TRERF1: variants seen among roughly 807,000 people sequenced by gnomAD.
TRERF1 encodes the protein transcriptional regulating factor 1.
A neutral mutation model predicts 122.9 loss-of-function variants in TRERF1; 27 were observed. The observed-to-expected ratio is 0.22, with a 90% CI of 0.16 to 0.30. The LOEUF (loss-of-function observed/expected upper bound fraction) is 0.30, where lower values mean the gene tolerates loss of function less well. Ranked by LOEUF, TRERF1 falls within the 10% of genes least tolerant of loss-of-function variation. The probability of loss-of-function intolerance (pLI) is 1.00; values close to 1 mark genes in which losing one functional copy is unlikely to be tolerated. For synonymous variants in TRERF1, 636 were observed against 641.7 expected, an observed-to-expected ratio of 0.99 and a Z score of 0.13; for missense variants, 1,248 against 1,560.3, an observed-to-expected ratio of 0.80 and a Z score of 3.37.
chr6:42,324,649 G>A (rs1583039239), intron 3 of TRERF1, among the ~76,000 whole-genome samples: 1 of 152,002 alleles, frequency 6.6e-6, no homozygotes, highest in South Asian at 2.1e-4. Flanking sequence ...ATAACAATGG[G>A]GAAAGAACTC....
intron 2 of TRERF1, among the ~76,000 whole-genome samples, chr6:42,428,066 C>G (rs1267040036): frequency 6.6e-6 from 1 of 152,172 alleles, no homozygotes; most frequent in Non-Finnish European, 1.5e-5. Context: ...GGAGTCAAGT[C>G]TGGGTAACCA....
At chr6:42,390,170 A>G (rs985459515) in intron 2 of TRERF1, among the ~76,000 whole-genome samples, 54 of 152,366 alleles carry the variant, frequency 3.5e-4, no homozygotes, top group Non-Finnish European at 5.6e-4. Context: ...TACAAGAGCT[A>G]ATCTAGTCCT....
chr6:42,433,864 A>C (rs1303635903), intron 2 of TRERF1, among the ~76,000 whole-genome samples: 1 of 152,008 alleles, frequency 6.6e-6, no homozygotes, highest in East Asian at 1.9e-4. Context: ...ACAAAAAAAA[A>C]ATTTTTTTTA....
At chr6:42,314,367 TACA>T (rs1045319433) in intron 3 of TRERF1, among the ~76,000 whole-genome samples, 10 of 152,296 alleles carry the variant, frequency 6.6e-5, no homozygotes, top group African/African-American at 2.2e-4. Flanking sequence ...TCCCTGGTTT[TACA>T]ACAAGAAGCC....
intron 4 of TRERF1, among the ~76,000 whole-genome samples, chr6:42,288,897 C>T (rs1783769531): frequency 6.6e-6 from 1 of 151,612 alleles, no homozygotes; most frequent in African/African-American, 2.4e-5. Flanking sequence ...GGCTAAGGAT[C>T]CTCATCTTAA....
intron 2 of TRERF1, among the ~76,000 whole-genome samples, chr6:42,448,509 C>A (rs1582306828): frequency 6.6e-6 from 1 of 152,204 alleles, no homozygotes; most frequent in East Asian, 1.9e-4. Flanking sequence ...AATCCACTTT[C>A]TCCATGAGAA....
chr6:42,236,466 T>C, intron 15 of TRERF1, 55 bp from the exon 16 acceptor site: 1 of 1,532,646 alleles, frequency 6.5e-7, no homozygotes. Flanking sequence ...GCATTCTTAG[T>C]GATGAACAGA....
chr6:42,403,677 G>A (rs1779744031), intron 2 of TRERF1, among the ~76,000 whole-genome samples: 1 of 152,208 alleles, frequency 6.6e-6, no homozygotes, highest in Admixed American at 6.5e-5. Context: ...ACAAGGCAAG[G>A]TCCAGGCAGG....
intron 4 of TRERF1, among the ~76,000 whole-genome samples, chr6:42,298,843 G>A (rs1253695592): frequency 1.3e-5 from 2 of 152,110 alleles, no homozygotes; most frequent in Non-Finnish European, 2.9e-5. Flanking sequence ...AGGAGACTCA[G>A]GCAGGAGAAC....
intron 2 of TRERF1, among the ~76,000 whole-genome samples, chr6:42,441,318 A>T (rs890970861): frequency 6.6e-6 from 1 of 152,124 alleles, no homozygotes; most frequent in African/African-American, 2.4e-5. Flanking sequence ...TCTTACGTAG[A>T]GTTGCTCAAA....
intron 3 of TRERF1, among the ~76,000 whole-genome samples, chr6:42,315,525 G>A (rs1474619595): frequency 6.6e-6 from 1 of 152,176 alleles, no homozygotes; most frequent in African/African-American, 2.4e-5. Context: ...CACAGAAGCA[G>A]GGGTAGAGGC....
At chr6:42,337,526 G>A (rs1283436986) in intron 3 of TRERF1, among the ~76,000 whole-genome samples, 1 of 152,148 alleles carries the variant, frequency 6.6e-6, no homozygotes, top group Non-Finnish European at 1.5e-5. Context: ...TCTACTGGGA[G>A]AGGCAGCCAC....
At chr6:42,274,539 C>A (rs1315214132) in intron 4 of TRERF1, among the ~76,000 whole-genome samples, 1 of 151,926 alleles carries the variant, frequency 6.6e-6, no homozygotes, top group Non-Finnish European at 1.5e-5. Flanking sequence ...ATTAGCCAGG[C>A]GTGGTGGTGC....
chr6:42,267,098 G>C (rs937304450), intron 5 of TRERF1, among the ~76,000 whole-genome samples: 1 of 152,230 alleles, frequency 6.6e-6, no homozygotes, highest in African/African-American at 2.4e-5. Flanking sequence ...GCTAAAGCAG[G>C]AGGATCGCCT....
chr6:42,320,142 C>A (rs972799776), intron 3 of TRERF1, among the ~76,000 whole-genome samples: 1 of 152,092 alleles, frequency 6.6e-6, no homozygotes, highest in Admixed American at 6.5e-5. Flanking sequence ...CTCAAATGAT[C>A]CACCTGGCGG....
At chr6:42,305,868 C>T (rs1050379418) in intron 3 of TRERF1, among the ~76,000 whole-genome samples, 1 of 152,076 alleles carries the variant, frequency 6.6e-6, no homozygotes, top group Non-Finnish European at 1.5e-5. Context: ...CTCCAGTCAC[C>T]TAGGGACCCA....
intron 13 of TRERF1, among the ~76,000 whole-genome samples, chr6:42,249,583 T>C (rs1437792517): frequency 1.3e-5 from 2 of 152,190 alleles, no homozygotes; most frequent in African/African-American, 4.8e-5. Context: ...TGCTCTGTCA[T>C]AGGATTTGGT....
rs568029991 is a variant in TRERF1, at chr6:42,241,849, C to T, written c.2859+1399G>A. Among the ~76,000 whole-genome samples the T allele has an allele frequency of 2.6e-5, 4 of 152,320 alleles. No homozygotes were observed. In the South Asian group the frequency reaches 8.3e-4, roughly 32 times the overall value. On this transcript the variant is annotated intron_variant, in intron 15 of 17. Coordinates refer to ENST00000372922, the Ensembl canonical transcript of TRERF1. ...CAGGGGTGAGCCTGTAATCCCAGCA[C>T]TTTGGGAAGCCAAGGCAGGAGGACT...
In TRERF1 at chr6:42,276,667, G is replaced by A. The variant is rs115777029; in HGVS notation, c.-258-6819C>T. On this transcript the variant is annotated intron_variant, in intron 4 of 17. Transcript: ENST00000372922. The surrounding 1 kb of genome is among the most constrained non-coding windows in gnomAD (Gnocchi z 4.3). ...TGGGTATTTTATAATCCAGTAACCC[G>A]ATTATTGTGGACATGTGCTGCCAAT... Among the ~76,000 whole-genome samples, 1,095 of 152,288 alleles carry A rather than the reference G, an allele frequency of 7.2e-3. 15 individuals are homozygous for A. The highest frequency in any genetic ancestry group is 0.025 in the African/African-American group (1,044 of 41,546).
Sources: allele counts gnomAD v4.1 joint callset (sites outside exome capture counted in the v4.1 genomes callset), GRCh38; gene constraint gnomAD v4.1.1; non-coding constraint Gnocchi (gnomAD v3.1); transcripts MANE v1.5; gene names NCBI Gene and HGNC (gene_info 2026-07-23, HGNC 2026-07-21).